The following FBXW2 variants were observed in gnomAD, a reference collection of about 807,000 sequenced individuals.
FBXW2 encodes F-box/WD repeat-containing protein 2.
Under a neutral mutation model 46.0 loss-of-function variants are expected in FBXW2, and 12 were observed. The observed-to-expected ratio is 0.26, with a 90% CI of 0.17 to 0.42. The LOEUF is 0.42. Among genes scored for constraint, FBXW2 ranks in the 10% least tolerant of loss-of-function variants. The probability of loss-of-function intolerance (pLI) is 1.00; values close to 1 mark genes in which losing one functional copy is unlikely to be tolerated. For synonymous variants in FBXW2, 203 were observed against 209.6 expected, an observed-to-expected ratio of 0.97 and a Z score of 0.27; for missense variants, 360 against 537.0, an observed-to-expected ratio of 0.67 and a Z score of 3.26.
At chr9:120,781,226 C>T (rs1457511304) in intron 3 of FBXW2, among the ~76,000 whole-genome samples, 1 of 152,200 alleles carries the variant, frequency 6.6e-6, no homozygotes, top group Non-Finnish European at 1.5e-5. Flanking sequence ...CCACAGTCCA[C>T]AGTTTGCCAA....
chr9:120,778,007 G>C (rs1214754823), intron 4 of FBXW2, among the ~76,000 whole-genome samples: 2 of 151,668 alleles, frequency 1.3e-5, no homozygotes, highest in Admixed American at 6.6e-5. Flanking sequence ...TCAGTTCAGA[G>C]GTATGGAATC....
chr9:120,774,000 G>A (rs1408496969), intron 5 of FBXW2, among the ~76,000 whole-genome samples: 1 of 152,042 alleles, frequency 6.6e-6, no homozygotes, highest in Non-Finnish European at 1.5e-5. Context: ...AGACCAGCCT[G>A]GGCAACACAG....
chr9:120,768,817 G>A lies in FBXW2; in HGVS notation c.1076+2531C>T, dbSNP rs764355408. Among the ~76,000 whole-genome samples the A allele has an allele frequency of 4.6e-5, 7 of 151,538 alleles. No homozygotes were observed. The East Asian group carries it at 1.4e-3, about 29-fold the overall frequency. Reference sequence around the variant, plus strand: ...AGCCTGGGTGACAGAGTGAGACTCTGTCTCAAAAAAACATAAAATAAAAAC... The same window carrying A: ...AGCCTGGGTGACAGAGTGAGACTCTATCTCAAAAAAACATAAAATAAAAAC... On this transcript the variant is annotated intron_variant, in intron 7 of 7. Transcript: ENST00000608872.
intron 4 of FBXW2, 76 bp downstream of exon 4, chr9:120,778,275 A>AT: frequency 7.9e-7 from 1 of 1,273,208 alleles, no homozygotes; most frequent in Non-Finnish European, 1.1e-6. Flanking sequence ...AAAAAAAAAA[A>AT]GCATTTCACA....
rs943636988 is a variant in FBXW2, at chr9:120,762,064, G to A, written c.*2495C>T. The A allele has an allele frequency of 6.6e-6, 1 of 152,306 alleles. No homozygotes were observed. 9.4% of individuals were successfully genotyped at this position (152,306 alleles called of 1,614,324 possible). A position where few individuals can be genotyped will look rare whatever the true frequency, so the allele number is the denominator to read the frequency against. ...CGATAAAAAGTAAAAACTCGGCCAG[G>A]CGTGGTGGCTCACGCCTGTAATCCC... On this transcript the variant is annotated 3_prime_UTR_variant, in exon 8 of 8. Transcript: ENST00000608872.
In FBXW2 at chr9:120,781,546, G is replaced by C. The variant is rs112043301; in HGVS notation, c.491-3001C>G. Among the ~76,000 whole-genome samples, 715 of 151,940 alleles carry C rather than the reference G, an allele frequency of 4.7e-3. 9 individuals carry two copies. Among genetic ancestry groups the C allele is most frequent in the African/African-American group, 0.016 (679 of 41,406 alleles). ...CTATATCATGGAAAAAGGTTTGAAG[G>C]GGGGAAAACTAGAGGCAAGAAGGCA... On this transcript the variant is annotated intron_variant, in intron 3 of 7. Transcript: ENST00000608872.
In FBXW2 at chr9:120,760,743, CAAAG is replaced by C. The variant is rs985862889; in HGVS notation, c.*3812_*3815del. On this transcript the variant is annotated 3_prime_UTR_variant, in exon 8 of 8. Coordinates refer to ENST00000608872, the MANE Select transcript of FBXW2 (RefSeq NM_012164.4). ...CTTCAAGTTGCCAGCTGGGTTTGGT[CAAAG>C]AAATGTGTAAAGCCAGGATCCACTA... 1.1e-4 allele frequency: 17 copies of C among 152,312 alleles called. No homozygotes were observed. Among genetic ancestry groups the C allele is most frequent in the African/African-American group, 4.1e-4 (17 of 41,578 alleles). 9.4% of individuals were successfully genotyped at this position (152,312 alleles called of 1,614,324 possible). A position where few individuals can be genotyped will look rare whatever the true frequency, so the allele number is the denominator to read the frequency against.
At chr9:120,787,186 G>A (rs988324553) in intron 3 of FBXW2, among the ~76,000 whole-genome samples, 1 of 152,170 alleles carries the variant, frequency 6.6e-6, no homozygotes, top group East Asian at 1.9e-4. Context: ...ATGCCGCCAC[G>A]CCCGGCTACT....
Position 120,788,210 on chromosome 9 carries a change from ATGTAACAGAAATGT to A in FBXW2, c.35_48del (p.Asn12IlefsTer11). 1.9e-6 allele frequency: 3 copies of A among 1,614,206 alleles called. No individual in the cohort carries two copies. The highest frequency in any genetic ancestry group is 2.5e-6 in the Non-Finnish European group (3 of 1,180,034). On this transcript the variant is annotated frameshift_variant, in exon 3 of 8. Coordinates refer to ENST00000608872, the MANE Select transcript of FBXW2 (RefSeq NM_012164.4). LOFTEE classifies it high-confidence loss of function. ...TTCTGCAAGTCCGTCAGAGAAAGAA[ATGTAACAGAAATGT>A]TATCAAGCCATGTCTCAAAGTCCTT...
rs988475848 is a variant in FBXW2 at position 120,762,404 on chromosome 9, G to A, written c.*2155C>T. 3 of 152,056 alleles carry A rather than the reference G, an allele frequency of 2.0e-5. No individual in the cohort carries two copies. Among genetic ancestry groups the A allele is most frequent in the African/African-American group, 7.2e-5 (3 of 41,406 alleles). The allele number at this position is 152,056 out of a possible 1,614,324, so 9.4% of individuals were successfully genotyped here. ...CCATCATCATTGCCCAAAGTCTCCT[G>A]GGGCTTCTGCAAAATAGATTCAGTT... On this transcript the variant is annotated 3_prime_UTR_variant, in exon 8 of 8. Coordinates refer to ENST00000608872, the MANE Select transcript of FBXW2 (RefSeq NM_012164.4).
chr9:120,784,567 T>A (rs1377400444), intron 3 of FBXW2, among the ~76,000 whole-genome samples: 4 of 149,668 alleles, frequency 2.7e-5, no homozygotes, highest in Non-Finnish European at 4.4e-5. Context: ...AAAGCCAAGA[T>A]CACATCATTG....
intron 5 of FBXW2, among the ~76,000 whole-genome samples, chr9:120,775,836 T>C (rs1564455503): frequency 6.6e-6 from 1 of 152,226 alleles, no homozygotes; most frequent in Non-Finnish European, 1.5e-5. Flanking sequence ...TATTTTTTTG[T>C]ATGTAATCTG....
At chr9:120,773,509 T>G (rs2044424636) in intron 5 of FBXW2, among the ~76,000 whole-genome samples, 1 of 152,208 alleles carries the variant, frequency 6.6e-6, no homozygotes, top group Non-Finnish European at 1.5e-5. Context: ...CTCATTTAAT[T>G]ACAGTAAAGA....
intron 6 of FBXW2, 88 bp from the exon 7 acceptor site, chr9:120,771,605 G>T (rs770222357): frequency 1.7e-6 from 2 of 1,192,152 alleles, no homozygotes; most frequent in African/African-American, 1.5e-5. Context: ...TGTGAAGTCA[G>T]ATAGAAAGTG....
chr9:120,774,313 C>T (rs541335630), intron 5 of FBXW2, among the ~76,000 whole-genome samples: 2 of 133,440 alleles, frequency 1.5e-5, no homozygotes, highest in East Asian at 2.2e-4. Flanking sequence ...CTCCAGCCTG[C>T]GCAACAAGAG....
At chr9:120,771,733 A>C (rs544106724) in intron 6 of FBXW2, among the ~76,000 whole-genome samples, 2 of 152,306 alleles carry the variant, frequency 1.3e-5, no homozygotes, top group East Asian at 3.9e-4. Context: ...CCTGCAATGA[A>C]GATAATGCCT....
intron 5 of FBXW2, among the ~76,000 whole-genome samples, chr9:120,775,533 C>G: frequency 6.6e-6 from 1 of 152,138 alleles, no homozygotes; most frequent in East Asian, 1.9e-4. Flanking sequence ...ATGGTAAACT[C>G]AAGAAAAGTG....
chr9:120,780,088 A>G (rs561245934), intron 3 of FBXW2, among the ~76,000 whole-genome samples: 33 of 151,636 alleles, frequency 2.2e-4, no homozygotes, highest in African/African-American at 6.5e-4. Flanking sequence ...CAATGAGCTG[A>G]GATCACGCCA....
chr9:120,772,823 G>A lies in FBXW2; in HGVS notation c.837C>T (p.Cys279=). The change falls in exon 6 of 8, where the codon TGC becomes TGT. Residue 279 remains cysteine (C), a synonymous_variant. Coordinates refer to ENST00000608872, the MANE Select transcript of FBXW2 (RefSeq NM_012164.4). The stretch of plus-strand genomic sequence containing the variant: ...GACTGTGCAAGAGAGACTTGACTTT[G>A]CACTTCTGCAAAACTACCTGCAAAT... The part of the protein sequence containing the change: ...EWVTKVVLQK[C]KVKSLLHSPG... 6.2e-7 allele frequency: 1 copy of A among 1,611,902 alleles called. No individual in the cohort carries two copies. The highest frequency in any genetic ancestry group is 2.2e-5 in the East Asian group (1 of 44,776).
Sources: gnomAD v4.1 joint callset for allele counts (sites outside exome capture counted in the v4.1 genomes callset) on GRCh38, gnomAD v4.1.1 for gene constraint, MANE v1.5 for transcripts, NCBI Gene and HGNC (gene_info 2026-07-23, HGNC 2026-07-21) for gene names.